KIAA0408: variants seen among roughly 807,000 people sequenced by gnomAD.
KIAA0408 encodes uncharacterized protein KIAA0408.
A neutral mutation model predicts 60.9 loss-of-function variants in KIAA0408; 51 were observed. The ratio of observed to expected loss-of-function variants is 0.84; its 90% CI spans 0.67 to 1.06. KIAA0408 has a LOEUF of 1.06. Ranked by LOEUF, KIAA0408 falls within the 50% of genes least tolerant of loss-of-function variation. The pLI is 0.00. For missense variants in KIAA0408, 787 were observed against 833.9 expected (o/e 0.94, Z 0.69); for synonymous variants, 304 against 282.4 (o/e 1.08, Z -0.77).
chr6:127,450,198 T>A lies in KIAA0408; in HGVS notation c.290A>T (p.His97Leu). 1.2e-6 allele frequency: 2 copies of A among 1,614,074 alleles called. No homozygotes were observed. The highest frequency in any genetic ancestry group is 1.7e-6 in the Non-Finnish European group (2 of 1,179,978). Residue 97 changes from histidine to leucine, a missense_variant, in exon 3 of 6, where the codon CAC (histidine) becomes CTC (leucine). His to Leu is a moderately conservative substitution (Grantham distance 99). Coordinates refer to ENST00000483725, the MANE Select transcript of KIAA0408 (RefSeq NM_014702.5). ...LGQSEFIRTN[H>L]KDGLRKENKR... ...ATTTTCTTTTCTCAGACCATCTTTG[T>A]GATTCGTCCTTATAAATTCACTTTG...
chr6:127,457,279 G>A (rs1391219627), intron 1 of KIAA0408, among the ~76,000 whole-genome samples: 1 of 152,122 alleles, frequency 6.6e-6, no homozygotes, highest in Admixed American at 6.6e-5. Context: ...TTCGTAATGA[G>A]AAGTTATGGG....
At chr6:127,447,951 A>G (rs976654164) in intron 4 of KIAA0408, among the ~76,000 whole-genome samples, 4 of 152,158 alleles carry the variant, frequency 2.6e-5, no homozygotes, top group Non-Finnish European at 5.9e-5. Flanking sequence ...TCAATGCTCT[A>G]CACACTCTGA....
rs1476516864 is a variant in KIAA0408 at position 127,440,811 on chromosome 6, G to A, written c.*3298C>T. The A allele has an allele frequency of 6.6e-6, 1 of 152,242 alleles. No homozygotes were observed. Among genetic ancestry groups the A allele is most frequent in the Non-Finnish European group, 1.5e-5 (1 of 68,036 alleles). The allele number at this position is 152,242 out of a possible 1,614,324, so 9.4% of individuals were successfully genotyped here. ...ATCAGACTCAATTAGCAGTTAAATG[G>A]GTAGAGAGAGGATGTCAGTGTACGA... On this transcript the variant is annotated 3_prime_UTR_variant, in exon 6 of 6. Transcript: ENST00000483725.
chr6:127,456,364 G>A (rs539743754), intron 1 of KIAA0408, among the ~76,000 whole-genome samples: 37 of 152,088 alleles, frequency 2.4e-4, no homozygotes, highest in Non-Finnish European at 4.0e-4. Context: ...TTCTTGAATC[G>A]CTTCCATGCT....
In KIAA0408 at chr6:127,450,193, C is replaced by G; in HGVS notation, c.295G>C (p.Asp99His). The G allele has an allele frequency of 6.2e-7, 1 of 1,614,038 alleles. No individual in the cohort carries two copies. Reference sequence around the variant, plus strand: ...CTTTTATTTTCTTTTCTCAGACCATCTTTGTGATTCGTCCTTATAAATTCA... The same window carrying G: ...CTTTTATTTTCTTTTCTCAGACCATGTTTGTGATTCGTCCTTATAAATTCA... ...QSEFIRTNHK[D>H]GLRKENKREQ... is the part of the protein sequence containing the mutation. The change falls in exon 3 of 6, where the codon GAT becomes CAT. Residue 99 changes from aspartate (D) to histidine (H), a missense_variant. Physicochemically the swap from Asp to His is moderately conservative, Grantham distance 81. Around this residue, in one of 3 missense-constraint regions of KIAA0408, gnomAD observed 640 missense variants for 681.3 expected, o/e 0.94. Transcript: ENST00000483725.
chr6:127,444,071 A>G lies in KIAA0408; in HGVS notation c.*38T>C, dbSNP rs1330783843. ...CAGAATGCTCTGTTTGACAAGTGGG[A>G]CTAGAACTTCTGTAATATAGCAATC... On this transcript the variant is annotated 3_prime_UTR_variant, in exon 6 of 6. Transcript: ENST00000483725. The G allele has an allele frequency of 3.1e-6, 5 of 1,598,810 alleles. No individual in the cohort carries two copies. The African/African-American group carries it at 4.0e-5, about 13-fold the overall frequency.
rs1286015664 is a variant in KIAA0408 at position 127,443,539 on chromosome 6, T to A, written c.*570A>T. 6.6e-6 allele frequency: 1 copy of A among 152,284 alleles called. No homozygotes were observed. The highest frequency in any genetic ancestry group is 1.5e-5 in the Non-Finnish European group (1 of 68,076). The allele number at this position is 152,284 out of a possible 1,614,324, so 9.4% of individuals were successfully genotyped here. On this transcript the variant is annotated 3_prime_UTR_variant, in exon 6 of 6. Transcript: ENST00000483725. ...TGAGTTGTCTTTAGAAATCTACCAA[T>A]GTTAGATGTGTGCATAATTCTTCTT...
At chr6:127,449,013 T>C (rs987653643) in intron 4 of KIAA0408, among the ~76,000 whole-genome samples, 8 of 152,354 alleles carry the variant, frequency 5.3e-5, no homozygotes, top group African/African-American at 1.9e-4. Context: ...ATTTACAATA[T>C]GTTGTTCTGA....
chr6:127,449,270 A>T (rs940552677), intron 4 of KIAA0408, among the ~76,000 whole-genome samples: 5 of 152,206 alleles, frequency 3.3e-5, no homozygotes, highest in Non-Finnish European at 5.9e-5. Flanking sequence ...CCTTAATTAG[A>T]CACGAAAAAG....
intron 5 of KIAA0408, among the ~76,000 whole-genome samples, chr6:127,445,918 G>T (rs1030117399): frequency 1.3e-5 from 2 of 152,076 alleles, no homozygotes; most frequent in Non-Finnish European, 2.9e-5. Context: ...TGTTTTAAAT[G>T]ATGTGTATTT....
At chr6:127,444,537 C>T (rs1037491774) in intron 5 of KIAA0408, among the ~76,000 whole-genome samples, 4 of 152,094 alleles carry the variant, frequency 2.6e-5, no homozygotes, top group Non-Finnish European at 5.9e-5. Context: ...GTTAATCTCT[C>T]TGTAGAACTA....
rs1262100273 is a variant in KIAA0408, at chr6:127,447,226, T to C, written c.1093A>G (p.Ile365Val). The C allele has an allele frequency of 1.2e-6, 2 of 1,613,028 alleles. No homozygotes were observed. The highest frequency in any genetic ancestry group is 1.7e-6 in the Non-Finnish European group (2 of 1,179,656). Residue 365 changes from isoleucine (I) to valine (V), a missense_variant, in exon 5 of 6, where the codon ATT (isoleucine) becomes GTT (valine). Ile to Val is a conservative substitution (Grantham distance 29). Around this residue, in one of 3 missense-constraint regions of KIAA0408, gnomAD observed 640 missense variants for 681.3 expected, o/e 0.94. Coordinates refer to ENST00000483725, the MANE Select transcript of KIAA0408 (RefSeq NM_014702.5). ...DVGLSMWSCD[I>V]GIGAKRSPST... ...GGGCTCCTTTTTGCACCTATCCCAA[T>C]GTCACATGACCACATGCTAAGTCCA...
At chr6:127,449,360 C>T (rs542204972) in intron 4 of KIAA0408, among the ~76,000 whole-genome samples, 22 of 152,082 alleles carry the variant, frequency 1.4e-4, no homozygotes, top group Non-Finnish European at 3.1e-4. Context: ...TATACAATTA[C>T]AGTTTCTGGC....
At chr6:127,453,569 C>T (rs145370245) in intron 2 of KIAA0408, among the ~76,000 whole-genome samples, 144 of 152,020 alleles carry the variant, frequency 9.5e-4, no homozygotes, top group African/African-American at 3.3e-3. Context: ...AAAATACATA[C>T]CTCACTTTTG....
chr6:127,446,725 T>C lies in KIAA0408; in HGVS notation c.1594A>G (p.Ser532Gly), dbSNP rs781112554. ...TGCTCGTGGAGCATATTTCGATAAC[T>C]GCGAGGACTTAGGTGTCCCTGCATT... ...RQMQGHLSPR[S>G]YRNMLHEHDW... Residue 532 changes from serine (S) to glycine (G), a missense_variant, in exon 5 of 6, where the codon AGT becomes GGT. Ser to Gly is a moderately conservative substitution (Grantham distance 56). This residue lies in a region of KIAA0408 where 640 missense variants were observed against 681.3 expected (regional missense o/e 0.94). Transcript: ENST00000483725. The C allele has an allele frequency of 3.7e-6, 6 of 1,613,886 alleles. No individual in the cohort carries two copies. The South Asian group carries it at 5.5e-5, about 15-fold the overall frequency.
intron 2 of KIAA0408, chr6:127,450,646 C>T (rs1387808576): frequency 1.7e-5 from 4 of 238,258 alleles, no homozygotes; most frequent in African/African-American, 9.1e-5. Context: ...TACAGAAACA[C>T]TGTCACAAAA....
At position 127,453,227 on chromosome 6, in the gene KIAA0408, G is replaced by A. The variant is rs190518326; in HGVS notation, c.135+620C>T. On this transcript the variant is annotated intron_variant, in intron 2 of 5. Coordinates refer to ENST00000483725, the MANE Select transcript of KIAA0408 (RefSeq NM_014702.5). ...TTGAAGGAAATATTTCAGGGTCAAC[G>A]GACTGAGGGAGGGTTAACGGGAACA... Among the ~76,000 whole-genome samples, 472 of 152,108 alleles carry A rather than the reference G, an allele frequency of 3.1e-3. 4 individuals carry two copies. Among genetic ancestry groups the A allele is most frequent in the African/African-American group, 0.011 (445 of 41,516 alleles).
intron 1 of KIAA0408, among the ~76,000 whole-genome samples, chr6:127,458,355 T>A (rs1351738692): frequency 1.3e-5 from 2 of 152,204 alleles, no homozygotes; most frequent in African/African-American, 2.4e-5. Context: ...ATTTTTTTCA[T>A]TGCTGTGTAT....
chr6:127,450,524 C>A (rs1002773748), intron 2 of KIAA0408, 172 bp from the exon 3 acceptor site: 9 of 1,112,028 alleles, frequency 8.1e-6, no homozygotes, highest in Non-Finnish European at 1.1e-5. Flanking sequence ...TTAGCTGGAA[C>A]AAGTTTGATG....
Sources: allele counts gnomAD v4.1 joint callset (sites outside exome capture counted in the v4.1 genomes callset), GRCh38; gene constraint gnomAD v4.1.1; regional missense constraint gnomAD v4.1.1; transcripts MANE v1.5; gene names NCBI Gene and HGNC (gene_info 2026-07-23, HGNC 2026-07-21).